Variants in SOX6 observed in about 807,000 individuals in gnomAD.
The protein encoded by SOX6 is SRY-box transcription factor 6.
Under a neutral mutation model 97.8 loss-of-function variants are expected in SOX6, and 11 were observed. The observed-to-expected ratio is 0.11, with a 90% CI of 0.07 to 0.19. The LOEUF is 0.19. SOX6 is among the 10% of genes least tolerant of loss of function. The pLI, the probability that SOX6 is intolerant of heterozygous loss-of-function variation, is 1.00. For synonymous variants in SOX6, 360 were observed against 371.4 expected (o/e 0.97, Z 0.35); for missense variants, 810 against 1,039.5 (o/e 0.78, Z 3.04).
chr11:16,024,422 A>C (rs927763388), intron 12 of SOX6, among the ~76,000 whole-genome samples: 4 of 151,530 alleles, frequency 2.6e-5, no homozygotes, highest in Non-Finnish European at 4.4e-5. Context: ...TTTTAGAGAT[A>C]AGGTCCTATT....
At chr11:16,348,137 G>A (rs1856819432) in intron 1 of SOX6, among the ~76,000 whole-genome samples, 1 of 152,086 alleles carries the variant, frequency 6.6e-6, no homozygotes, top group Non-Finnish European at 1.5e-5. Flanking sequence ...TCTACTTAAT[G>A]AAAACCTCAT....
At chr11:16,647,952 A>C (rs1255007984) in intron 3 of SOX6, among the ~76,000 whole-genome samples, 1 of 152,150 alleles carries the variant, frequency 6.6e-6, no homozygotes, top group Non-Finnish European at 1.5e-5. Context: ...AGGGGCTCAC[A>C]GGGTGAAGGA....
chr11:16,721,551 T>TCTCTC lies in SOX6; in HGVS notation n.354-6647_354-6646insGAGAG, dbSNP rs1491230899. On this transcript the variant is annotated intron_variant and non_coding_transcript_variant, in intron 2 of 5. Transcript: ENST00000524520. Reference sequence around the variant, plus strand: ...CTCTCTCTCTCTCTCTCTCTCTCTCTTCCCCCCCCTCCCTCCCTCCCTCCC... The same window carrying TCTCTC: ...CTCTCTCTCTCTCTCTCTCTCTCTCTCTCTCTCCCCCCCCTCCCTCCCTCCCTCCC... Among the ~76,000 whole-genome samples, 10 of 4,674 alleles carry TCTCTC rather than the reference T, an allele frequency of 2.1e-3. 1 individual carries two copies. Among genetic ancestry groups the TCTCTC allele is most frequent in the Admixed American group, 2.8e-3 (1 of 352 alleles). 3.1% of individuals were successfully genotyped at this position (4,674 alleles called of 152,430 possible).
At chr11:16,342,661 C>T (rs904348691) in intron 1 of SOX6, among the ~76,000 whole-genome samples, 6 of 151,808 alleles carry the variant, frequency 4.0e-5, no homozygotes, top group Admixed American at 2.6e-4. Flanking sequence ...CCAATTTAAA[C>T]AGTAGTTTTT....
At chr11:16,270,067 TC>T (rs1854206792) in intron 3 of SOX6, 1 of 151,338 alleles carries the variant, frequency 6.6e-6, no homozygotes, top group African/African-American at 2.4e-5. Context: ...GAGTATTTTG[TC>T]CTGTTAATAA....
intron 1 of SOX6, among the ~76,000 whole-genome samples, chr11:16,451,181 G>A (rs1044555476): frequency 2.0e-5 from 3 of 151,780 alleles, no homozygotes; most frequent in Non-Finnish European, 2.9e-5. Flanking sequence ...GCAGTGAGCC[G>A]AGATCACACC....
At chr11:16,180,083 C>A (rs1384853460) in intron 6 of SOX6, among the ~76,000 whole-genome samples, 2 of 151,546 alleles carry the variant, frequency 1.3e-5, no homozygotes, top group Non-Finnish European at 3.0e-5. Flanking sequence ...GATTCAAAAC[C>A]ATGGCCTGGT....
At chr11:16,183,810 T>A in intron 6 of SOX6, 76 bp downstream of exon 6, 1 of 1,352,232 alleles carries the variant, frequency 7.4e-7, no homozygotes, top group Admixed American at 1.7e-5. Context: ...GGGGTACATC[T>A]GCAGAGTTTT....
At chr11:16,393,753 C>T (rs1174534977) in intron 1 of SOX6, among the ~76,000 whole-genome samples, 1 of 152,054 alleles carries the variant, frequency 6.6e-6, no homozygotes, top group African/African-American at 2.4e-5. Flanking sequence ...AATTACATGC[C>T]TTTAACCATC....
rs557958117 is a variant in SOX6 at position 16,315,352 on chromosome 11, A to C, written c.445+3094T>G. On this transcript the variant is annotated intron_variant, in intron 3 of 15. Coordinates refer to ENST00000683767, the MANE Select transcript of SOX6 (RefSeq NM_001367873.1). ...GGGATTCACAGAAAGAAAAATTAAG[A>C]ATCCTTGAGTTTTAATAAAATGCAT... 2.6e-5 allele frequency: 4 copies of C among 152,318 alleles called. No individual in the cohort carries two copies. The South Asian group carries it at 8.3e-4, about 32-fold the overall frequency. The allele number at this position is 152,318 out of a possible 1,614,324, so 9.4% of individuals were successfully genotyped here.
chr11:16,617,481 A>G (rs973679101), intron 3 of SOX6, among the ~76,000 whole-genome samples: 3 of 151,924 alleles, frequency 2.0e-5, no homozygotes, highest in African/African-American at 4.8e-5. Context: ...AGTGTTAACT[A>G]TGTTCACTAG....
At chr11:16,109,584 A>T (rs1849178098) in intron 7 of SOX6, among the ~76,000 whole-genome samples, 1 of 152,198 alleles carries the variant, frequency 6.6e-6, no homozygotes. Flanking sequence ...TTTCCAGTCC[A>T]ATAGAAGTCT....
At chr11:16,121,246 C>T (rs1849483210) in intron 6 of SOX6, among the ~76,000 whole-genome samples, 1 of 152,046 alleles carries the variant, frequency 6.6e-6, no homozygotes, top group African/African-American at 2.4e-5. Flanking sequence ...TTAGCACTAA[C>T]ATAATCTTAA....
intron 3 of SOX6, among the ~76,000 whole-genome samples, chr11:16,296,739 G>T (rs964985590): frequency 3.9e-5 from 6 of 152,070 alleles, no homozygotes; most frequent in African/African-American, 1.4e-4. Flanking sequence ...AAAATGGTAG[G>T]AAATGCCCAT....
chr11:16,097,482 G>A (rs1848829489), intron 8 of SOX6, 127 bp downstream of exon 8: 1 of 796,236 alleles, frequency 1.3e-6, no homozygotes, highest in Non-Finnish European at 2.2e-6. Flanking sequence ...CAAATAAGGT[G>A]TTAATCCTTC....
At chr11:16,601,911 G>A (rs1363165821) in intron 4 of SOX6, among the ~76,000 whole-genome samples, 1 of 152,058 alleles carries the variant, frequency 6.6e-6, no homozygotes, top group Non-Finnish European at 1.5e-5. Flanking sequence ...GTACATATAT[G>A]TTTTTCCCTT....
intron 1 of SOX6, among the ~76,000 whole-genome samples, chr11:16,470,979 G>T (rs188241669): frequency 1.2e-4 from 18 of 152,032 alleles, no homozygotes; most frequent in African/African-American, 4.3e-4. Flanking sequence ...TGCTATTAGA[G>T]ACCATGAGTC....
intron 1 of SOX6, among the ~76,000 whole-genome samples, chr11:16,475,773 T>C (rs1412329062): frequency 6.6e-6 from 1 of 152,116 alleles, no homozygotes; most frequent in Non-Finnish European, 1.5e-5. Flanking sequence ...CAATGCAGGG[T>C]TGCCATAAAC....
At chr11:16,001,116 T>C (rs1446363241) in intron 13 of SOX6, among the ~76,000 whole-genome samples, 1 of 152,060 alleles carries the variant, frequency 6.6e-6, no homozygotes, top group African/African-American at 2.4e-5. Context: ...CTGCCTGCCT[T>C]GGCCTCCCAA....
Sources: allele counts gnomAD v4.1 joint callset (sites outside exome capture counted in the v4.1 genomes callset), GRCh38; gene constraint gnomAD v4.1.1; transcripts MANE v1.5; gene names NCBI Gene and HGNC (gene_info 2026-07-23, HGNC 2026-07-21).